Variants in MRPL15 observed in about 807,000 individuals in gnomAD.
MRPL15 encodes large ribosomal subunit protein uL15m.
A neutral mutation model predicts 28.0 loss-of-function variants in MRPL15; 24 were observed. The ratio of observed to expected loss-of-function variants is 0.86; its 90% confidence interval spans 0.62 to 1.21. The LOEUF (loss-of-function observed/expected upper bound fraction) is 1.21, where lower values mean the gene tolerates loss of function less well. Ranked by LOEUF, MRPL15 falls within the 50% of genes most tolerant of loss-of-function variation. The probability of loss-of-function intolerance (pLI) is 0.00; values close to 1 mark genes in which losing one functional copy is unlikely to be tolerated. For synonymous variants in MRPL15, 124 were observed against 137.0 expected (o/e 0.90, Z 0.66); for missense variants, 343 against 372.4 (o/e 0.92, Z 0.65).
intron 1 of MRPL15, among the ~76,000 whole-genome samples, 179 bp downstream of exon 1, chr8:54,135,570 CTTTTTTTT>C (rs537299219): frequency 1.4e-3 from 160 of 116,894 alleles, no homozygotes; most frequent in African/African-American, 3.6e-3. Context: ...GCACCCAGTT[CTTTTTTTT>C]TTTTTTTTTT....
At chr8:54,145,369 C>T (rs1335436313) in intron 4 of MRPL15, among the ~76,000 whole-genome samples, 2 of 152,114 alleles carry the variant, frequency 1.3e-5, no homozygotes, top group African/African-American at 2.4e-5. Flanking sequence ...TGTGTGCCAC[C>T]ATGCCTGGCT....
At chr8:54,137,965 TTG>T (rs1810857032) in intron 3 of MRPL15, among the ~76,000 whole-genome samples, 1 of 152,102 alleles carries the variant, frequency 6.6e-6, no homozygotes, top group Non-Finnish European at 1.5e-5. Context: ...TTTTTTGTTT[TTG>T]TTTTTGAGAT....
intron 4 of MRPL15, among the ~76,000 whole-genome samples, chr8:54,144,404 G>C (rs961947053): frequency 6.6e-6 from 1 of 152,154 alleles, no homozygotes; most frequent in Non-Finnish European, 1.5e-5. Flanking sequence ...GGAAGGATTT[G>C]TGTCATCTGT....
chr8:54,143,316 T>G (rs189131256), intron 4 of MRPL15, among the ~76,000 whole-genome samples: 1 of 152,252 alleles, frequency 6.6e-6, no homozygotes, highest in Non-Finnish European at 1.5e-5. Context: ...TGACCTCAAA[T>G]GGTCCACCCT....
rs544353084 is a variant in MRPL15, at chr8:54,136,393, T to C, written c.109-118T>C. 2.8e-4 allele frequency: 303 copies of C among 1,078,066 alleles called. 1 individual carries two copies. Among genetic ancestry groups the C allele is most frequent in the Middle Eastern group, 1.3e-3 (4 of 3,120 alleles). 66.8% of individuals were successfully genotyped at this position (1,078,066 alleles called of 1,614,324 possible). ...AGCAACTAGGACATGCTTGACACAA[T>C]AGTGTTAGCTAGCACTGGTGGGCTG... On this transcript the variant is annotated intron_variant, in intron 1 of 4. Transcript: ENST00000260102.
Position 54,135,333 on chromosome 8 carries a change from G to A in MRPL15, c.50G>A (p.Arg17Gln), listed in dbSNP as rs200980911. ...GGGARALDLL[R>Q]GLPRVSLANL... Reference sequence around the variant, plus strand: ...GGGGCCCGGGCCCTGGACCTACTCCGGGGCCTGCCGCGTGTGAGCCTGGCC... The same window carrying A: ...GGGGCCCGGGCCCTGGACCTACTCCAGGGCCTGCCGCGTGTGAGCCTGGCC... The change falls in exon 1 of 5, where the codon CGG (arginine) becomes CAG (glutamine). Residue 17 changes from arginine to glutamine, a missense_variant. Arg to Gln is a conservative substitution (Grantham distance 43). Transcript: ENST00000260102. 4.2e-4 allele frequency: 631 copies of A among 1,494,174 alleles called. 2 individuals are homozygous for A. The African/African-American group carries it at 8.1e-3, about 19-fold the overall frequency. 92.6% of individuals were successfully genotyped at this position (1,494,174 alleles called of 1,614,324 possible). A position where few individuals can be genotyped will look rare whatever the true frequency, so the allele number is the denominator to read the frequency against.
rs143041082 is a variant in MRPL15, at chr8:54,147,402, C to A, written c.574C>A (p.Pro192Thr). 1.4e-4 allele frequency: 230 copies of A among 1,611,638 alleles called. 2 individuals carry two copies. The African/African-American group carries it at 2.9e-3, about 20-fold the overall frequency. The change falls in exon 5 of 5, where the codon CCA becomes ACA. Residue 192 changes from proline to threonine, a missense_variant. By Grantham distance (38) the Pro-to-Thr change is conservative. Transcript: ENST00000260102. ...RSLDIVCKPV[P>T]FFLRGQPIPK... ...TTTAGACATTGTATGCAAACCTGTT[C>A]CATTCTTTCTTCGTGGACAACCCAT...
chr8:54,137,748 G>A (rs1810852118), intron 3 of MRPL15, among the ~76,000 whole-genome samples: 1 of 152,066 alleles, frequency 6.6e-6, no homozygotes, highest in African/African-American at 2.4e-5. Context: ...ACAGGTGTGA[G>A]CCACCATGCC....
rs373468980 is a variant in MRPL15, at chr8:54,147,453, G to A, written c.625G>A (p.Glu209Lys). The change falls in exon 5 of 5, where the codon GAA (glutamate) becomes AAA (lysine). Residue 209 changes from glutamate (E) to lysine (K), a missense_variant. Glu to Lys is a moderately conservative substitution (Grantham distance 56). Coordinates refer to ENST00000260102, the MANE Select transcript of MRPL15 (RefSeq NM_014175.4). ...PIPKRMLPPEELVPYYTDAKN... is the reference protein window; with the variant it reads ...PIPKRMLPPEKLVPYYTDAKN... The stretch of plus-strand genomic sequence containing the variant: ...TCCAAAAAGAATGCTTCCACCAGAA[G>A]AACTGGTACCATATTACACTGATGC... The A allele has an allele frequency of 3.7e-6, 6 of 1,613,996 alleles. No individual in the cohort carries two copies. The highest frequency in any genetic ancestry group is 3.3e-5 in the South Asian group (3 of 91,082).
In MRPL15 at chr8:54,137,390, T is replaced by C. The variant is rs1563715587; in HGVS notation, c.386T>C (p.Ile129Thr). The change falls in exon 3 of 5, where the codon ATC becomes ACC. Residue 129 changes from isoleucine (I) to threonine (T), a missense_variant. Coordinates refer to ENST00000260102, the MANE Select transcript of MRPL15 (RefSeq NM_014175.4). ...CTTGTCAATGGGAGAGGTGTGACCATCCAGCCACTTAAAAGGGATTATGGT... is the reference window on the plus strand; with the variant it reads ...CTTGTCAATGGGAGAGGTGTGACCACCCAGCCACTTAAAAGGGATTATGGT... ...TQLVNGRGVT[I>T]QPLKRDYGVQ... 5.0e-6 allele frequency: 8 copies of C among 1,614,134 alleles called. No homozygotes were observed. In the South Asian group the frequency reaches 7.7e-5, roughly 16 times the overall value.
rs953351662 is a variant in MRPL15 at position 54,147,436 on chromosome 8, G to T, written c.608G>T (p.Arg203Ile). The T allele has an allele frequency of 6.2e-7, 1 of 1,613,892 alleles. No homozygotes were observed. Among genetic ancestry groups the T allele is most frequent in the Non-Finnish European group, 8.5e-7 (1 of 1,179,866 alleles). ...CTTCGTGGACAACCCATTCCAAAAAGAATGCTTCCACCAGAAGAACTGGTA... is the reference window on the plus strand; with the variant it reads ...CTTCGTGGACAACCCATTCCAAAAATAATGCTTCCACCAGAAGAACTGGTA... ...FFLRGQPIPKRMLPPEELVPY... is the reference protein window; with the variant it reads ...FFLRGQPIPKIMLPPEELVPY... Residue 203 changes from arginine to isoleucine, a missense_variant, in exon 5 of 5, where the codon AGA becomes ATA. Coordinates refer to ENST00000260102, the MANE Select transcript of MRPL15 (RefSeq NM_014175.4).
rs1189606035 is a variant in MRPL15 at position 54,136,604 on chromosome 8, G to A, written c.202G>A (p.Glu68Lys). Residue 68 changes from glutamate to lysine, a missense_variant, in exon 2 of 5, where the codon GAG (glutamate) becomes AAG (lysine). Glu to Lys is a moderately conservative substitution (Grantham distance 56, BLOSUM62 1). Coordinates refer to ENST00000260102, the MANE Select transcript of MRPL15 (RefSeq NM_014175.4). ...AGGAACCCGGCCCCGCTTGGGCTTT[G>A]AGGGAGGCCAGACTCCATTTTACAT... ...QRGTRPRLGF[E>K]GGQTPFYIRI... 1.2e-6 allele frequency: 2 copies of A among 1,614,238 alleles called. No homozygotes were observed. The highest frequency in any genetic ancestry group is 1.7e-6 in the Non-Finnish European group (2 of 1,180,034).
At chr8:54,137,546 T>C in intron 3 of MRPL15, 113 bp downstream of exon 3, 1 of 927,376 alleles carries the variant, frequency 1.1e-6, no homozygotes, top group Admixed American at 2.7e-5. Context: ...TCCTGCAACC[T>C]CCACCTCACA....
At chr8:54,137,771 GAT>G (rs1586215666) in intron 3 of MRPL15, among the ~76,000 whole-genome samples, 1 of 151,704 alleles carries the variant, frequency 6.6e-6, no homozygotes, top group Non-Finnish European at 1.5e-5. Flanking sequence ...GCCCGTAGGA[GAT>G]ATTTTTGATT....
At chr8:54,137,692 G>T (rs1257033581) in intron 3 of MRPL15, among the ~76,000 whole-genome samples, 1 of 152,126 alleles carries the variant, frequency 6.6e-6, no homozygotes, top group Non-Finnish European at 1.5e-5. Context: ...TTGAACTCCT[G>T]ACCTTAAGTG....
intron 3 of MRPL15, among the ~76,000 whole-genome samples, chr8:54,140,748 A>T (rs1321989063): frequency 6.6e-6 from 1 of 151,062 alleles, no homozygotes; most frequent in African/African-American, 2.4e-5. Context: ...TAATTTATTT[A>T]TTTTTTTGTA....
At chr8:54,143,798 TG>T (rs2129240205) in intron 4 of MRPL15, among the ~76,000 whole-genome samples, 1 of 152,302 alleles carries the variant, frequency 6.6e-6, no homozygotes, top group Admixed American at 6.5e-5. Flanking sequence ...CCACCGGGTT[TG>T]GCCTTCCTCC....
intron 3 of MRPL15, among the ~76,000 whole-genome samples, chr8:54,140,376 C>A (rs1010467710): frequency 6.6e-6 from 1 of 151,864 alleles, no homozygotes; most frequent in East Asian, 1.9e-4. Flanking sequence ...ATTCTCCTGC[C>A]TCAGCCTCCC....
At chr8:54,136,799 C>A in intron 2 of MRPL15, 134 bp downstream of exon 2, 1 of 1,104,852 alleles carries the variant, frequency 9.1e-7, no homozygotes, top group South Asian at 1.7e-5. Flanking sequence ...TCCCCTGAAC[C>A]ATTTTTTGGT....
Sources: allele counts gnomAD v4.1 joint callset (sites outside exome capture counted in the v4.1 genomes callset), GRCh38; gene constraint gnomAD v4.1.1; transcripts MANE v1.5; gene names NCBI Gene and HGNC (gene_info 2026-07-23, HGNC 2026-07-21).